The following PLPPR5 variants were observed in gnomAD, a reference collection of about 807,000 sequenced individuals.
PLPPR5 encodes phospholipid phosphatase related 5, also known as phospholipid phosphatase-related protein type 5.
A neutral mutation model predicts 33.9 loss-of-function variants in PLPPR5; 16 were observed. The observed-to-expected ratio is 0.47, with a 90% confidence interval of 0.32 to 0.72. The LOEUF (loss-of-function observed/expected upper bound fraction) is 0.72, where lower values mean the gene tolerates loss of function less well. Among genes scored for constraint, PLPPR5 ranks in the 30% least tolerant of loss-of-function variants. The probability of loss-of-function intolerance (pLI) is 0.03; values close to 1 mark genes in which losing one functional copy is unlikely to be tolerated. For synonymous variants in PLPPR5, 163 were observed against 150.3 expected (o/e 1.08, Z -0.62); for missense variants, 301 against 406.7 (o/e 0.74, Z 2.23).
intron 1 of PLPPR5, among the ~76,000 whole-genome samples, chr1:98,987,904 T>C (rs1557694642): frequency 6.6e-6 from 1 of 152,068 alleles, no homozygotes; most frequent in East Asian, 1.9e-4. Flanking sequence ...AGCAATTTGG[T>C]ATAGTATACT....
chr1:98,907,201 T>TC (rs1254043454), intron 5 of PLPPR5, among the ~76,000 whole-genome samples: 1 of 130,328 alleles, frequency 7.7e-6, no homozygotes, highest in Admixed American at 7.7e-5. Flanking sequence ...TTTATTGTAA[T>TC]CCTTTTTTTT....
At chr1:98,958,519 G>A (rs1390857846) in intron 1 of PLPPR5, among the ~76,000 whole-genome samples, 1 of 152,114 alleles carries the variant, frequency 6.6e-6, no homozygotes, top group Non-Finnish European at 1.5e-5. Flanking sequence ...ATTGAGTTGG[G>A]AGAGATAAGA....
In PLPPR5 at chr1:98,892,894, C is replaced by A. The variant is rs1648327159; in HGVS notation, c.*178G>T. Reference sequence around the variant, plus strand: ...ACACAGAAAAAAAAAGACAATCCTGCCCTCGAGGAGCTCACAGTCTAGTGG... The same window carrying A: ...ACACAGAAAAAAAAAGACAATCCTGACCTCGAGGAGCTCACAGTCTAGTGG... On this transcript the variant is annotated 3_prime_UTR_variant, in exon 6 of 6. Transcript: ENST00000263177. The A allele has an allele frequency of 6.6e-6, 4 of 610,356 alleles. No homozygotes were observed. The East Asian group carries it at 1.3e-4, about 19-fold the overall frequency. The allele number at this position is 610,356 out of a possible 1,614,324, so 37.8% of individuals were successfully genotyped here. A position where few individuals can be genotyped will look rare whatever the true frequency, so the allele number is the denominator to read the frequency against.
At chr1:98,926,840 A>G (rs899091797) in intron 3 of PLPPR5, among the ~76,000 whole-genome samples, 3 of 152,210 alleles carry the variant, frequency 2.0e-5, no homozygotes, top group African/African-American at 7.2e-5. Context: ...TTCGTATAAA[A>G]TTTTTATTTA....
intron 1 of PLPPR5, among the ~76,000 whole-genome samples, chr1:98,962,704 G>A (rs1249726510): frequency 2.0e-5 from 3 of 152,166 alleles, no homozygotes; most frequent in African/African-American, 7.2e-5. Context: ...GAGTGCAGGG[G>A]TGCAGTTATG....
chr1:98,899,254 G>A (rs1471358173), intron 5 of PLPPR5, among the ~76,000 whole-genome samples: 2 of 152,130 alleles, frequency 1.3e-5, no homozygotes, highest in African/African-American at 4.8e-5. Context: ...CTCCACATCC[G>A]GATCACCTGA....
chr1:98,954,099 T>C (rs993722735), intron 2 of PLPPR5, among the ~76,000 whole-genome samples: 2 of 152,292 alleles, frequency 1.3e-5, no homozygotes, highest in Admixed American at 6.5e-5. Context: ...AGTGTGTAGA[T>C]ATTTTTTCCT....
chr1:98,956,322 T>C (rs1263054077), intron 2 of PLPPR5, among the ~76,000 whole-genome samples: 1 of 152,176 alleles, frequency 6.6e-6, no homozygotes, highest in African/African-American at 2.4e-5. Flanking sequence ...GAAGGTAGTA[T>C]GTAATGTTTA....
At chr1:98,933,812 G>A (rs1233639052) in intron 3 of PLPPR5, among the ~76,000 whole-genome samples, 1 of 152,170 alleles carries the variant, frequency 6.6e-6, no homozygotes, top group African/African-American at 2.4e-5. Context: ...AGTGATGTGA[G>A]GAAAGGCACC....
Position 98,892,293 on chromosome 1 carries a change from C to A in PLPPR5, c.*779G>T, listed in dbSNP as rs1263442039. Reference sequence around the variant, plus strand: ...ATAAGGTACCAGTGCTGAATTTACTCATTTAAACTACCCTAAATACTGCCT... The same window carrying A: ...ATAAGGTACCAGTGCTGAATTTACTAATTTAAACTACCCTAAATACTGCCT... On this transcript the variant is annotated 3_prime_UTR_variant, in exon 6 of 6. Coordinates refer to ENST00000263177, the MANE Select transcript of PLPPR5 (RefSeq NM_001037317.2). 1 of 152,384 alleles carries A rather than the reference C, an allele frequency of 6.6e-6. No individual in the cohort carries two copies. Among genetic ancestry groups the A allele is most frequent in the Non-Finnish European group, 1.5e-5 (1 of 67,978 alleles). The allele number at this position is 152,384 out of a possible 1,614,324, so 9.4% of individuals were successfully genotyped here.
intron 5 of PLPPR5, among the ~76,000 whole-genome samples, chr1:98,913,002 A>C (rs1020819758): frequency 6.6e-6 from 1 of 152,066 alleles, no homozygotes; most frequent in African/African-American, 2.4e-5. Flanking sequence ...AGGAAATTTT[A>C]TCTCTCTTAT....
intron 1 of PLPPR5, among the ~76,000 whole-genome samples, chr1:98,985,754 G>C (rs184100122): frequency 6.6e-6 from 1 of 152,116 alleles, no homozygotes; most frequent in Admixed American, 6.6e-5. Context: ...GTAACAAGCT[G>C]TACACATTGG....
At chr1:98,902,483 T>C (rs1028519785) in intron 5 of PLPPR5, among the ~76,000 whole-genome samples, 4 of 152,306 alleles carry the variant, frequency 2.6e-5, no homozygotes, top group African/African-American at 7.2e-5. Context: ...ATTTCTTCTT[T>C]AATCAAAACT....
intron 1 of PLPPR5, among the ~76,000 whole-genome samples, chr1:98,996,201 T>C (rs769112697): frequency 2.2e-4 from 33 of 151,786 alleles, no homozygotes; most frequent in South Asian, 6.2e-4. Context: ...GGAAGCATAA[T>C]AGAGGTGAGA....
At chr1:98,997,233 T>C (rs1652662612) in intron 1 of PLPPR5, among the ~76,000 whole-genome samples, 1 of 152,164 alleles carries the variant, frequency 6.6e-6, no homozygotes, top group African/African-American at 2.4e-5. Flanking sequence ...ATTATTTCAA[T>C]TTTACAGATT....
At chr1:98,901,791 AATT>A (rs1295433163) in intron 5 of PLPPR5, among the ~76,000 whole-genome samples, 1 of 152,086 alleles carries the variant, frequency 6.6e-6, no homozygotes, top group African/African-American at 2.4e-5. Context: ...ATTTATCTTA[AATT>A]ATTAATTGAG....
At chr1:98,912,820 TAA>T (rs890615237) in intron 5 of PLPPR5, among the ~76,000 whole-genome samples, 21 of 152,176 alleles carry the variant, frequency 1.4e-4, no homozygotes, top group African/African-American at 4.3e-4. Context: ...GGAATTTATA[TAA>T]ACCATCAGCA....
chr1:98,913,666 A>T (rs914944356), intron 5 of PLPPR5, among the ~76,000 whole-genome samples: 3 of 152,188 alleles, frequency 2.0e-5, no homozygotes, highest in African/African-American at 7.2e-5. Flanking sequence ...TGAATATGTT[A>T]ATTATCTCTC....
intron 1 of PLPPR5, among the ~76,000 whole-genome samples, chr1:98,986,027 T>C (rs577426517): frequency 6.6e-6 from 1 of 152,116 alleles, no homozygotes; most frequent in Admixed American, 6.6e-5. Context: ...ATGAGTAAAT[T>C]TGGAGAATGT....
Sources: allele counts gnomAD v4.1 joint callset (sites outside exome capture counted in the v4.1 genomes callset), GRCh38; gene constraint gnomAD v4.1.1; transcripts MANE v1.5; gene names NCBI Gene and HGNC (gene_info 2026-07-23, HGNC 2026-07-21).